Variants in CMIP observed in about 807,000 individuals in gnomAD.
The protein encoded by CMIP is c-Maf inducing protein, also known as C-Maf-inducing protein.
Under a neutral mutation model 97.3 loss-of-function variants are expected in CMIP, and 13 were observed. That is an observed-to-expected ratio of 0.13 (90% CI 0.09 to 0.21). CMIP has a LOEUF of 0.21. Ranked by LOEUF, CMIP falls within the 10% of genes least tolerant of loss-of-function variation. The pLI, the probability that CMIP is intolerant of heterozygous loss-of-function variation, is 1.00. For synonymous variants in CMIP, 538 were observed against 436.3 expected, an observed-to-expected ratio of 1.23 and a Z score of -2.91; for missense variants, 847 against 1,024.9, an observed-to-expected ratio of 0.83 and a Z score of 2.37.
intron 1 of CMIP, among the ~76,000 whole-genome samples, chr16:81,553,008 A>G (rs544119630): frequency 6.6e-6 from 1 of 152,262 alleles, no homozygotes; most frequent in East Asian, 1.9e-4. Context: ...TCCTCTAAAG[A>G]CGTGACTTGT....
At chr16:81,547,787 G>T in intron 1 of CMIP, among the ~76,000 whole-genome samples, 1 of 152,196 alleles carries the variant, frequency 6.6e-6, no homozygotes, top group East Asian at 1.9e-4. Context: ...CAGTTGTGGG[G>T]CAGTGAGGGG....
intron 1 of CMIP, among the ~76,000 whole-genome samples, chr16:81,521,993 T>C (rs1025978256): frequency 2.0e-5 from 3 of 152,204 alleles, no homozygotes; most frequent in African/African-American, 4.8e-5. Flanking sequence ...GAAAAGCGTA[T>C]AAGCAGGATT....
intron 5 of CMIP, 125 bp from the exon 6 acceptor site, chr16:81,660,759 A>G (rs982539204): frequency 4.1e-6 from 4 of 966,470 alleles, no homozygotes; most frequent in Admixed American, 1.9e-5. Context: ...AATATGAATG[A>G]TGTGATGCAG....
chr16:81,470,692 A>G (rs1004739508), intron 1 of CMIP, among the ~76,000 whole-genome samples: 1 of 152,268 alleles, frequency 6.6e-6, no homozygotes, highest in Non-Finnish European at 1.5e-5. Context: ...TCTTGAGCTC[A>G]AGGGATCCTC....
intron 1 of CMIP, among the ~76,000 whole-genome samples, chr16:81,512,529 G>A (rs1463426748): frequency 1.3e-5 from 2 of 152,118 alleles, no homozygotes; most frequent in East Asian, 3.8e-4. Flanking sequence ...TCAGCTACAT[G>A]GTTGTTGCAA....
At chr16:81,581,945 G>A (rs1238403641) in intron 1 of CMIP, among the ~76,000 whole-genome samples, 1 of 152,188 alleles carries the variant, frequency 6.6e-6, no homozygotes, top group Non-Finnish European at 1.5e-5. Flanking sequence ...TGGGCTCACG[G>A]TTCTGCAGGC....
intron 7 of CMIP, among the ~76,000 whole-genome samples, chr16:81,667,799 A>AGAGAGAGAGAGAGAGAGAGTGTGT: frequency 1.4e-3 from 80 of 58,124 alleles, no homozygotes; most frequent in Non-Finnish European, 2.2e-3. Context: ...AGAGAGAGAG[A>AGAGAGAGAGAGAGAGAGAGTGTGT]GTGTGTGTGT....
At chr16:81,633,982 G>A (rs1372412035) in intron 3 of CMIP, among the ~76,000 whole-genome samples, 1 of 152,214 alleles carries the variant, frequency 6.6e-6, no homozygotes, top group African/African-American at 2.4e-5. Context: ...ATCATCCCAG[G>A]CCTCCTGGCA....
intron 1 of CMIP, among the ~76,000 whole-genome samples, chr16:81,607,161 C>G (rs987370983): frequency 3.3e-5 from 5 of 152,172 alleles, no homozygotes; most frequent in Non-Finnish European, 7.3e-5. Context: ...GTGGAGGATG[C>G]ATATCCGTGG....
intron 1 of CMIP, among the ~76,000 whole-genome samples, chr16:81,541,493 C>T (rs917888788): frequency 2.0e-5 from 3 of 152,186 alleles, no homozygotes; most frequent in Non-Finnish European, 2.9e-5. Flanking sequence ...CTCTTGGGAC[C>T]CTCACACGCT....
chr16:81,466,778 C>G (rs776701232), intron 1 of CMIP, among the ~76,000 whole-genome samples: 1 of 152,154 alleles, frequency 6.6e-6, no homozygotes, highest in Non-Finnish European at 1.5e-5. Flanking sequence ...TGGGCTGAAC[C>G]GAATTTGTTC....
At chr16:81,456,059 G>A (rs1018252285) in intron 1 of CMIP, among the ~76,000 whole-genome samples, 4 of 152,228 alleles carry the variant, frequency 2.6e-5, no homozygotes, top group Non-Finnish European at 5.9e-5. Flanking sequence ...GTTGACATCT[G>A]TTTGTCGCCC....
At chr16:81,683,665 G>A (rs1217085517) in intron 10 of CMIP, among the ~76,000 whole-genome samples, 1 of 149,562 alleles carries the variant, frequency 6.7e-6, no homozygotes, top group Non-Finnish European at 1.5e-5. Context: ...TTACAGGCAT[G>A]AGCCACTGTG....
At chr16:81,684,541 C>G (rs953775807) in intron 10 of CMIP, among the ~76,000 whole-genome samples, 2 of 152,234 alleles carry the variant, frequency 1.3e-5, no homozygotes, top group African/African-American at 4.8e-5. Context: ...GTTAAAATCC[C>G]AGCTGAGCTG....
At chr16:81,461,474 C>G (rs1297849964) in intron 1 of CMIP, among the ~76,000 whole-genome samples, 7 of 152,144 alleles carry the variant, frequency 4.6e-5, no homozygotes, top group African/African-American at 1.7e-4. Context: ...CGTAATTAGT[C>G]TTCCCAGTGA....
Position 81,504,091 on chromosome 16 carries a change from C to G in CMIP, c.300+58550C>G, listed in dbSNP as rs534695128. 1.2e-4 allele frequency among the ~76,000 whole-genome samples: 19 copies of G among 152,240 alleles called. 1 individual carries two copies. In the South Asian group the frequency reaches 3.9e-3, roughly 32 times the overall value. ...CTGTAATTCCAGCACTTGGGAAGGCCGAGGGAGGCAGATCACTTGGGGTCA... is the reference window on the plus strand; with the variant it reads ...CTGTAATTCCAGCACTTGGGAAGGCGGAGGGAGGCAGATCACTTGGGGTCA... On this transcript the variant is annotated intron_variant, in intron 1 of 20. Transcript: ENST00000537098.
intron 1 of CMIP, among the ~76,000 whole-genome samples, chr16:81,589,510 G>A (rs1335776460): frequency 6.7e-6 from 1 of 149,298 alleles, no homozygotes; most frequent in Non-Finnish European, 1.5e-5. Flanking sequence ...CCACCCTATG[G>A]CGAGTGCTTA....
At chr16:81,568,863 T>C (rs992686176) in intron 1 of CMIP, among the ~76,000 whole-genome samples, 1 of 152,118 alleles carries the variant, frequency 6.6e-6, no homozygotes, top group Non-Finnish European at 1.5e-5. Context: ...CAGTTGACAA[T>C]TGAAGGGTTA....
chr16:81,669,329 A>T (rs868369242), intron 7 of CMIP, among the ~76,000 whole-genome samples: 1 of 31,844 alleles, frequency 3.1e-5, no homozygotes, highest in African/African-American at 1.1e-4. Context: ...CACCCACTTC[A>T]TACCTCCTTC....
Sources: allele counts gnomAD v4.1 joint callset (sites outside exome capture counted in the v4.1 genomes callset), GRCh38; gene constraint gnomAD v4.1.1; transcripts MANE v1.5; gene names NCBI Gene and HGNC (gene_info 2026-07-23, HGNC 2026-07-21).